Variants in AHI1 observed in about 807,000 individuals in gnomAD.
The protein encoded by AHI1 is jouberin.
A neutral mutation model predicts 149.3 loss-of-function variants in AHI1; 123 were observed. The ratio of observed to expected loss-of-function variants is 0.82; its 90% CI spans 0.71 to 0.96. The LOEUF is 0.96. Among genes scored for constraint, AHI1 ranks in the 40% least tolerant of loss-of-function variants. AHI1 has a pLI of 0.00. For missense variants in AHI1, 1,439 were observed against 1,422.7 expected (o/e 1.01, Z -0.18); for synonymous variants, 475 against 459.8 (o/e 1.03, Z -0.42).
chr6:135,319,392 T>C (rs1380449053), intron 25 of AHI1, among the ~76,000 whole-genome samples: 3 of 152,096 alleles, frequency 2.0e-5, no homozygotes, highest in African/African-American at 7.2e-5. Context: ...TGGGAATTGT[T>C]TGAACCTGAG....
intron 24 of AHI1, among the ~76,000 whole-genome samples, chr6:135,335,227 C>T (rs769585864): frequency 2.6e-5 from 4 of 152,112 alleles, no homozygotes; most frequent in Non-Finnish European, 5.9e-5. Context: ...TTAACATCTA[C>T]TTTGTCATTT....
intron 23 of AHI1, among the ~76,000 whole-genome samples, chr6:135,391,172 C>G (rs971671416): frequency 3.3e-5 from 5 of 152,178 alleles, no homozygotes; most frequent in African/African-American, 1.2e-4. Flanking sequence ...ACCTATTACT[C>G]ACATAGATGC....
At chr6:135,495,516 T>A (rs748837852) in intron 3 of AHI1, 1 of 152,232 alleles carries the variant, frequency 6.6e-6, no homozygotes, top group Admixed American at 6.5e-5. Flanking sequence ...GCAAATGATA[T>A]CTTCTCTAGA....
At chr6:135,479,210 A>G (rs535922256) in intron 5 of AHI1, among the ~76,000 whole-genome samples, 37 of 152,368 alleles carry the variant, frequency 2.4e-4, no homozygotes, top group African/African-American at 8.9e-4. Context: ...ACTGCCTAGT[A>G]GATCTGTGAG....
Position 135,467,651 on chromosome 6 carries a change from A to T in AHI1, c.136-17T>A, listed in dbSNP as rs1354926186. The T allele has an allele frequency of 6.3e-7, 1 of 1,582,116 alleles. No individual in the cohort carries two copies. Among genetic ancestry groups the T allele is most frequent in the Non-Finnish European group, 8.6e-7 (1 of 1,156,150 alleles). ...AGTGTCAGGCTAAAAAGGAAGACAT[A>T]ATAAAGTTTCAGCTAAGCGTAGATT... is the stretch of plus-strand genomic sequence containing the variant. On this transcript the variant is annotated splice_polypyrimidine_tract_variant and intron_variant, in intron 5 of 28. Coordinates refer to ENST00000265602, the MANE Select transcript of AHI1 (RefSeq NM_001134831.2).
intron 20 of AHI1, among the ~76,000 whole-genome samples, chr6:135,419,490 C>T (rs1210740921): frequency 6.6e-6 from 1 of 151,534 alleles, no homozygotes; most frequent in African/African-American, 2.4e-5. Flanking sequence ...AAGCATATAT[C>T]TCAATAAAGA....
At chr6:135,321,493 A>T (rs1160692238) in intron 25 of AHI1, among the ~76,000 whole-genome samples, 2 of 152,080 alleles carry the variant, frequency 1.3e-5, no homozygotes, top group Admixed American at 1.3e-4. Flanking sequence ...GAGGGGAGCA[A>T]TGGGAAGGAC....
intron 23 of AHI1, among the ~76,000 whole-genome samples, chr6:135,368,615 G>A (rs980431065): frequency 2.6e-5 from 4 of 152,122 alleles, no homozygotes; most frequent in African/African-American, 9.7e-5. Context: ...GGCTGATGGA[G>A]TTACTTTCCC....
chr6:135,473,355 T>C (rs542274199), intron 5 of AHI1, among the ~76,000 whole-genome samples: 1 of 152,190 alleles, frequency 6.6e-6, no homozygotes, highest in South Asian at 2.1e-4. Context: ...TATTGCTTTA[T>C]AATGAGTTTT....
chr6:135,412,019 C>A (rs545893497), intron 20 of AHI1, among the ~76,000 whole-genome samples: 1 of 151,970 alleles, frequency 6.6e-6, no homozygotes, highest in East Asian at 1.9e-4. Flanking sequence ...TCTACAATGA[C>A]GTAATTATAA....
In AHI1 at chr6:135,366,864, T is replaced by A. The variant is rs150301506; in HGVS notation, c.3110-8677A>T. Among the ~76,000 whole-genome samples the A allele has an allele frequency of 6.1e-3, 931 of 152,318 alleles. 9 individuals are homozygous for A. The highest frequency in any genetic ancestry group is 0.021 in the African/African-American group (854 of 41,574). On this transcript the variant is annotated intron_variant, in intron 23 of 28. Transcript: ENST00000265602. Reference sequence around the variant, plus strand: ...CTTGTTTCTCTAGTTCCTTGAGGTGTGACCTTAGTTTGTCTGCCTGTGCTC... The same window carrying A: ...CTTGTTTCTCTAGTTCCTTGAGGTGAGACCTTAGTTTGTCTGCCTGTGCTC...
chr6:135,489,919 C>T (rs1583502744), intron 5 of AHI1: 2 of 295,302 alleles, frequency 6.8e-6, no homozygotes, highest in East Asian at 1.1e-4. Flanking sequence ...AAACTATGTA[C>T]CATTTACACA....
Position 135,478,151 on chromosome 6 carries a change from A to C in AHI1, c.136-10517T>G, listed in dbSNP as rs980927046. On this transcript the variant is annotated intron_variant, in intron 5 of 28. Coordinates refer to ENST00000265602, the MANE Select transcript of AHI1 (RefSeq NM_001134831.2). ...AGAACGGACTAATATGAAAATTGGTACCAGAGAAGTGGGGCATTGCTATAA... is the reference window on the plus strand; with the variant it reads ...AGAACGGACTAATATGAAAATTGGTCCCAGAGAAGTGGGGCATTGCTATAA... 2.0e-5 allele frequency among the ~76,000 whole-genome samples: 3 copies of C among 152,172 alleles called. No individual in the cohort carries two copies. The South Asian group carries it at 6.2e-4, about 32-fold the overall frequency.
At chr6:135,490,118 T>C (rs1393093336) in intron 5 of AHI1, 3 of 712,972 alleles carry the variant, frequency 4.2e-6, no homozygotes, top group Non-Finnish European at 7.8e-6. Context: ...CTTTGAGCAC[T>C]GTATTTTTAA....
chr6:135,312,548 C>CCAAG (rs1202743353), intron 26 of AHI1, among the ~76,000 whole-genome samples: 2 of 151,966 alleles, frequency 1.3e-5, no homozygotes, highest in African/African-American at 2.4e-5. Flanking sequence ...AACCAACCAA[C>CCAAG]CAAGCAACCA....
chr6:135,379,242 T>C (rs1776352259), intron 23 of AHI1, among the ~76,000 whole-genome samples: 1 of 152,188 alleles, frequency 6.6e-6, no homozygotes, highest in African/African-American at 2.4e-5. Context: ...CCTATTTTCA[T>C]TTATGGATTG....
At chr6:135,357,869 C>T (rs1160302713) in intron 24 of AHI1, among the ~76,000 whole-genome samples, 2 of 152,102 alleles carry the variant, frequency 1.3e-5, no homozygotes, top group Non-Finnish European at 2.9e-5. Context: ...TATTATAAAA[C>T]ATTCACTTTA....
At position 135,466,347 on chromosome 6, in the gene AHI1, G is replaced by A; in HGVS notation, c.216C>T (p.Pro72=). The A allele has an allele frequency of 3.7e-6, 6 of 1,613,644 alleles. No homozygotes were observed. Among genetic ancestry groups the A allele is most frequent in the Non-Finnish European group, 5.1e-6 (6 of 1,179,782 alleles). The change falls in exon 7 of 29, where the codon CCC becomes CCT. Residue 72 remains proline, a synonymous_variant. Transcript: ENST00000265602. ...DDPDTIRSNL[P]HIKETTSDDV... Reference sequence around the variant, plus strand: ...CATCACTTGTAGTTTCTTTAATATGGGGAAGATTGCTTCTAATAGTGTCGG... The same window carrying A: ...CATCACTTGTAGTTTCTTTAATATGAGGAAGATTGCTTCTAATAGTGTCGG...
At position 135,411,496 on chromosome 6, in the gene AHI1, G is replaced by A. The variant is rs1170550561; in HGVS notation, c.2813C>T (p.Pro938Leu). ...TTGACTTTGGTGTATTCCAGGTAAT[G>A]GAAATGTTCCATTGTAGCGTTTGAA... ...EMFKRYNGTF[P>L]LPGIHQSQDA... Residue 938 changes from proline to leucine, a missense_variant, in exon 21 of 29, where the codon CCA becomes CTA. Physicochemically the swap from Pro to Leu is moderately conservative, Grantham distance 98 (BLOSUM62 -3). Coordinates refer to ENST00000265602, the MANE Select transcript of AHI1 (RefSeq NM_001134831.2). The A allele has an allele frequency of 2.0e-5, 33 of 1,609,952 alleles. No individual in the cohort carries two copies. The highest frequency in any genetic ancestry group is 2.8e-5 in the Non-Finnish European group (33 of 1,177,990).
Sources: allele counts gnomAD v4.1 joint callset (sites outside exome capture counted in the v4.1 genomes callset), GRCh38; gene constraint gnomAD v4.1.1; transcripts MANE v1.5; gene names NCBI Gene and HGNC (gene_info 2026-07-23, HGNC 2026-07-21).